The following ENKUR variants were observed in gnomAD, a reference collection of about 807,000 sequenced individuals.
ENKUR encodes enkurin.
A neutral mutation model predicts 27.6 loss-of-function variants in ENKUR; 19 were observed. The ratio of observed to expected loss-of-function variants is 0.69; its 90% CI spans 0.48 to 1.01. ENKUR has a LOEUF of 1.01. Among genes scored for constraint, ENKUR ranks in the 50% least tolerant of loss-of-function variants. The probability of loss-of-function intolerance (pLI) is 0.00; values close to 1 mark genes in which losing one functional copy is unlikely to be tolerated. For synonymous variants in ENKUR, 117 were observed against 96.9 expected (o/e 1.21, Z -1.22); for missense variants, 312 against 310.5 (o/e 1.00, Z -0.04).
chr10:25,015,747 C>G, intron 1 of ENKUR, 113 bp downstream of exon 1: 3 of 1,000,742 alleles, frequency 3.0e-6, no homozygotes, highest in Non-Finnish European at 4.0e-6. Flanking sequence ...GCTACTTCAT[C>G]GAGGCAAAAA....
intron 2 of ENKUR, among the ~76,000 whole-genome samples, chr10:25,044,742 G>T (rs943825901): frequency 3.3e-5 from 5 of 152,232 alleles, no homozygotes; most frequent in Admixed American, 2.6e-4. Context: ...ATATGCAGAT[G>T]CTAAAAGCTC....
At chr10:24,993,181 T>C (rs920527291) in intron 3 of ENKUR, among the ~76,000 whole-genome samples, 2 of 152,200 alleles carry the variant, frequency 1.3e-5, no homozygotes, top group South Asian at 2.1e-4. Flanking sequence ...TGTGATACAG[T>C]TCAGAAAAAA....
chr10:25,018,329 T>G (rs1850649620), upstream of ENKUR, among the ~76,000 whole-genome samples: 1 of 152,232 alleles, frequency 6.6e-6, no homozygotes, highest in African/African-American at 2.4e-5. Context: ...AAAATGCCTG[T>G]GTCCACCGCA....
At chr10:25,058,488 A>G (rs1851285758) in intron 2 of ENKUR, among the ~76,000 whole-genome samples, 1 of 152,226 alleles carries the variant, frequency 6.6e-6, no homozygotes, top group South Asian at 2.1e-4. Context: ...AATTACAGGC[A>G]TGAGTCGTTG....
At chr10:24,990,339 A>T in intron 4 of ENKUR, 124 bp downstream of exon 4, 1 of 1,291,914 alleles carries the variant, frequency 7.7e-7, no homozygotes, top group Non-Finnish European at 1.0e-6. Context: ...TTTAACTGTA[A>T]CCCAAAGAGA....
In ENKUR at chr10:24,984,755, T is replaced by A. The variant is rs199886037; in HGVS notation, c.745A>T (p.Ile249Phe). ...HDIGIIEKHK[I>F]IYIANNA ...TCTTACTTATTGGCAATATAAATAA[T>A]CTTGTGCTTTTCAATTATGCCAATG... Residue 249 changes from isoleucine to phenylalanine, a missense_variant, in exon 5 of 6, where the codon ATT becomes TTT. Physicochemically the swap from Ile to Phe is conservative, Grantham distance 21. Transcript: ENST00000331161. 15 of 1,612,168 alleles carry A rather than the reference T, an allele frequency of 9.3e-6. No homozygotes were observed. Among genetic ancestry groups the A allele is most frequent in the Non-Finnish European group, 1.2e-5 (14 of 1,179,604 alleles).
intron 1 of ENKUR, among the ~76,000 whole-genome samples, chr10:25,010,506 C>T (rs1167211605): frequency 6.6e-6 from 1 of 151,754 alleles, no homozygotes; most frequent in African/African-American, 2.4e-5. Context: ...AGGTTAGTTA[C>T]ATATGTATAC....
At position 24,990,700 on chromosome 10, in the gene ENKUR, T is replaced by C; in HGVS notation, c.448-91A>G. On this transcript the variant is annotated intron_variant, in intron 3 of 5. Transcript: ENST00000331161. Reference sequence around the variant, plus strand: ...CAACTGATGATGGAAGAAAAAGAAATGGTACAGACTAAATCCTTTGTTCAA... The same window carrying C: ...CAACTGATGATGGAAGAAAAAGAAACGGTACAGACTAAATCCTTTGTTCAA... 2 of 1,271,134 alleles carry C rather than the reference T, an allele frequency of 1.6e-6. 1 individual carries two copies. Among genetic ancestry groups the C allele is most frequent in the South Asian group, 3.1e-5 (2 of 65,248 alleles). 78.7% of individuals were successfully genotyped at this position (1,271,134 alleles called of 1,614,324 possible).
At chr10:25,012,803 T>C (rs1044852136) in intron 1 of ENKUR, among the ~76,000 whole-genome samples, 1 of 152,160 alleles carries the variant, frequency 6.6e-6, no homozygotes, top group Non-Finnish European at 1.5e-5. Flanking sequence ...CTGAAATGAG[T>C]TAAGACTTTG....
At chr10:25,055,663 A>G (rs1416091086) in intron 2 of ENKUR, among the ~76,000 whole-genome samples, 2 of 152,156 alleles carry the variant, frequency 1.3e-5, no homozygotes, top group Non-Finnish European at 2.9e-5. Context: ...TGATCAAAAA[A>G]TTATCTTCGA....
At chr10:25,036,714 C>G (rs1851013071) in intron 2 of ENKUR, among the ~76,000 whole-genome samples, 1 of 152,156 alleles carries the variant, frequency 6.6e-6, no homozygotes, top group Non-Finnish European at 1.5e-5. Context: ...TGATTTATTA[C>G]TATTCAAGCA....
intron 2 of ENKUR, among the ~76,000 whole-genome samples, chr10:25,044,482 A>C (rs1157965944): frequency 2.0e-5 from 3 of 152,026 alleles, no homozygotes; most frequent in Non-Finnish European, 4.4e-5. Flanking sequence ...CTGCAACCTC[A>C]ACCTCCTGAG....
chr10:25,054,465 C>CTT (rs775583161), intron 2 of ENKUR, among the ~76,000 whole-genome samples: 2 of 91,228 alleles, frequency 2.2e-5, no homozygotes, highest in Non-Finnish European at 4.8e-5. Context: ...TCTTTTCTTT[C>CTT]TTTCTTTCTT....
intron 2 of ENKUR, among the ~76,000 whole-genome samples, chr10:25,047,259 G>A (rs1249906720): frequency 6.6e-6 from 1 of 152,138 alleles, no homozygotes; most frequent in East Asian, 1.9e-4. Context: ...TTCAACATCA[G>A]GAGCGTGTGA....
chr10:25,061,765 G>C (rs920451547), intron 1 of ENKUR, among the ~76,000 whole-genome samples: 1 of 152,256 alleles, frequency 6.6e-6, no homozygotes, highest in East Asian at 1.9e-4. Context: ...ACCTTCCCCA[G>C]ACCTAGGCCT....
At chr10:25,044,833 C>G (rs896553369) in intron 2 of ENKUR, among the ~76,000 whole-genome samples, 1 of 152,216 alleles carries the variant, frequency 6.6e-6, no homozygotes, top group Non-Finnish European at 1.5e-5. Flanking sequence ...ATGCTCCATT[C>G]AAGAATCAGC....
At chr10:25,028,285 C>A (rs1180291712) in intron 2 of ENKUR, among the ~76,000 whole-genome samples, 2 of 152,188 alleles carry the variant, frequency 1.3e-5, no homozygotes, top group African/African-American at 4.8e-5. Flanking sequence ...CAGCTAATAA[C>A]TTTGCTTCAT....
intron 2 of ENKUR, among the ~76,000 whole-genome samples, chr10:25,055,210 C>T (rs919902054): frequency 6.6e-6 from 1 of 151,940 alleles, no homozygotes; most frequent in Non-Finnish European, 1.5e-5. Flanking sequence ...TCCTTGCCCT[C>T]TTGTGACTTC....
Position 24,989,258 on chromosome 10 carries a change from C to A in ENKUR, c.594+1205G>T, listed in dbSNP as rs148034618. On this transcript the variant is annotated intron_variant, in intron 4 of 5. Transcript: ENST00000331161. ...ATGCCAATTCTCACTTCCATGTCTG[C>A]CAGCCTTCCTTCCTGCCTGTCTGCC... Among the ~76,000 whole-genome samples, 330 of 152,300 alleles carry A rather than the reference C, an allele frequency of 2.2e-3. 1 individual carries two copies. The highest frequency in any genetic ancestry group is 3.3e-3 in the Non-Finnish European group (224 of 68,032).
Sources: allele counts gnomAD v4.1 joint callset (sites outside exome capture counted in the v4.1 genomes callset), GRCh38; gene constraint gnomAD v4.1.1; transcripts MANE v1.5; gene names NCBI Gene and HGNC (gene_info 2026-07-23, HGNC 2026-07-21).